APBB2: variants seen among roughly 807,000 people sequenced by gnomAD.
APBB2 encodes the protein amyloid beta precursor protein binding family B member 2.
APBB2 carries 38 observed loss-of-function variants against 82.5 expected under a neutral mutation model. The ratio of observed to expected loss-of-function variants is 0.46; its 90% CI spans 0.36 to 0.60. The LOEUF is 0.60. Ranked by LOEUF, APBB2 falls within the 20% of genes least tolerant of loss-of-function variation. The pLI is 0.00. For missense variants in APBB2, 772 were observed against 972.3 expected (o/e 0.79, Z 2.74); for synonymous variants, 341 against 368.2 (o/e 0.93, Z 0.85).
At chr4:41,203,302 A>T (rs1777165045) in intron 1 of APBB2, among the ~76,000 whole-genome samples, 1 of 152,230 alleles carries the variant, frequency 6.6e-6, no homozygotes, top group Non-Finnish European at 1.5e-5. Context: ...GCAGGAGATG[A>T]CTGTGATCAT....
At chr4:40,854,264 T>A (rs754860413) in intron 12 of APBB2, among the ~76,000 whole-genome samples, 1 of 152,214 alleles carries the variant, frequency 6.6e-6, no homozygotes, top group Non-Finnish European at 1.5e-5. Context: ...TCATATTCTG[T>A]GTTCAACACA....
intron 12 of APBB2, among the ~76,000 whole-genome samples, chr4:40,874,681 T>C (rs992092102): frequency 2.0e-5 from 3 of 152,204 alleles, no homozygotes; most frequent in African/African-American, 7.2e-5. Context: ...GCCAATAATA[T>C]GTCTTCTGCT....
At chr4:41,162,086 A>C (rs993903281) in intron 1 of APBB2, among the ~76,000 whole-genome samples, 1 of 152,200 alleles carries the variant, frequency 6.6e-6, no homozygotes, top group Non-Finnish European at 1.5e-5. Flanking sequence ...TTAAAAAGAT[A>C]AAATTTTTAA....
chr4:41,169,383 A>C (rs890447266), intron 1 of APBB2, among the ~76,000 whole-genome samples: 3 of 152,090 alleles, frequency 2.0e-5, no homozygotes, highest in Non-Finnish European at 2.9e-5. Context: ...AAGACGCAAA[A>C]TCAGATAAAA....
chr4:41,195,135 C>A, intron 1 of APBB2, among the ~76,000 whole-genome samples: 3 of 152,072 alleles, frequency 2.0e-5, no homozygotes, highest in Non-Finnish European at 4.4e-5. Flanking sequence ...CCTGGGTGAC[C>A]GTTATACTCC....
chr4:41,150,291 A>T (rs1262652224), intron 1 of APBB2, among the ~76,000 whole-genome samples: 1 of 152,246 alleles, frequency 6.6e-6, no homozygotes, highest in Non-Finnish European at 1.5e-5. Flanking sequence ...TATTTAGAGC[A>T]TTGGGGAAGT....
At chr4:40,925,389 G>T (rs1322566814) in intron 10 of APBB2, among the ~76,000 whole-genome samples, 1 of 152,216 alleles carries the variant, frequency 6.6e-6, no homozygotes, top group Non-Finnish European at 1.5e-5. Flanking sequence ...TGCAGATGAA[G>T]AAACTGAGGC....
intron 6 of APBB2, among the ~76,000 whole-genome samples, chr4:41,008,964 C>G (rs1166512729): frequency 1.3e-5 from 2 of 152,210 alleles, no homozygotes; most frequent in Non-Finnish European, 2.9e-5. Flanking sequence ...GATTTTGAAA[C>G]AGTTACTACA....
chr4:41,185,496 T>A (rs987342365), intron 1 of APBB2, among the ~76,000 whole-genome samples: 2 of 152,230 alleles, frequency 1.3e-5, no homozygotes, highest in Non-Finnish European at 2.9e-5. Context: ...TGTGACACCT[T>A]TATGTAATTC....
chr4:41,064,220 C>T (rs1413052240), intron 4 of APBB2, among the ~76,000 whole-genome samples: 6 of 151,816 alleles, frequency 4.0e-5, no homozygotes, highest in South Asian at 4.1e-4. Flanking sequence ...TCTTGTGATC[C>T]GCCCGCCTCA....
At chr4:41,051,668 C>G (rs1725987488) in intron 4 of APBB2, among the ~76,000 whole-genome samples, 1 of 152,194 alleles carries the variant, frequency 6.6e-6, no homozygotes, top group Non-Finnish European at 1.5e-5. Flanking sequence ...TATTAACCGT[C>G]CCGAAGGCCT....
At chr4:41,101,457 C>G (rs1448978085) in intron 2 of APBB2, among the ~76,000 whole-genome samples, 1 of 108,404 alleles carries the variant, frequency 9.2e-6, no homozygotes. Flanking sequence ...GGCGACAGAG[C>G]GAGACTCCGT....
chr4:40,977,014 A>T (rs944903578), intron 6 of APBB2, among the ~76,000 whole-genome samples: 4 of 152,072 alleles, frequency 2.6e-5, no homozygotes, highest in Non-Finnish European at 5.9e-5. Flanking sequence ...GAGCCACTGC[A>T]CTCCAGCCTG....
intron 10 of APBB2, among the ~76,000 whole-genome samples, chr4:40,897,588 T>C (rs1298463683): frequency 1.3e-5 from 2 of 152,228 alleles, no homozygotes; most frequent in Non-Finnish European, 2.9e-5. Context: ...TGAGTTTATT[T>C]AAAATCATTT....
At chr4:40,962,533 G>A (rs1229590214) in intron 6 of APBB2, among the ~76,000 whole-genome samples, 1 of 152,178 alleles carries the variant, frequency 6.6e-6, no homozygotes, top group Admixed American at 6.5e-5. Context: ...CAGACTTCTT[G>A]TTCTTTTTAC....
intron 12 of APBB2, among the ~76,000 whole-genome samples, chr4:40,889,884 T>C (rs553888157): frequency 6.6e-6 from 1 of 152,184 alleles, no homozygotes; most frequent in African/African-American, 2.4e-5. Flanking sequence ...AACCCAGAAA[T>C]TCCTGATAAT....
intron 12 of APBB2, among the ~76,000 whole-genome samples, chr4:40,875,861 T>C (rs2154343046): frequency 6.6e-6 from 1 of 152,310 alleles, no homozygotes; most frequent in African/African-American, 2.4e-5. Context: ...CATTAACCAG[T>C]TTTGTATCCA....
At position 41,058,526 on chromosome 4, in the gene APBB2, C is replaced by T. The variant is rs115895798; in HGVS notation, c.-51+7050G>A. ...TCACCAATTTTACAGGTTGGGTTCA[C>T]ATGCCATGTAAAAATCTAGAATCTA... On this transcript the variant is annotated intron_variant, in intron 4 of 17. Transcript: ENST00000508593. Among the ~76,000 whole-genome samples, 1,079 of 152,284 alleles carry T rather than the reference C, an allele frequency of 7.1e-3. 12 individuals are homozygous for T. Among genetic ancestry groups the T allele is most frequent in the African/African-American group, 0.025 (1,027 of 41,562 alleles).
At chr4:40,820,893 G>A (rs7655937) in intron 17 of APBB2, among the ~76,000 whole-genome samples, 49,371 of 151,240 alleles carry the variant, frequency 0.33, 8,250 homozygotes, top group African/African-American at 0.38. Flanking sequence ...TTTTGAGATG[G>A]GTTTCCCTCT....
Sources: gnomAD v4.1 joint callset for allele counts (sites outside exome capture counted in the v4.1 genomes callset) on GRCh38, gnomAD v4.1.1 for gene constraint, MANE v1.5 for transcripts, NCBI Gene and HGNC (gene_info 2026-07-23, HGNC 2026-07-21) for gene names.